The following ASIC2 variants were observed in gnomAD, a reference collection of about 807,000 sequenced individuals.
ASIC2 encodes acid sensing ion channel subunit 2.
A neutral mutation model predicts 57.3 loss-of-function variants in ASIC2; 25 were observed. The observed-to-expected ratio is 0.44, with a 90% CI of 0.32 to 0.61. The LOEUF (loss-of-function observed/expected upper bound fraction) is 0.61. Among genes scored for constraint, ASIC2 ranks in the 20% least tolerant of loss-of-function variants. The probability of loss-of-function intolerance (pLI) is 0.06; values close to 1 mark genes in which losing one functional copy is unlikely to be tolerated. For missense variants in ASIC2, 641 were observed against 738.1 expected (o/e 0.87, Z 1.52); for synonymous variants, 319 against 307.5 (o/e 1.04, Z -0.39).
At chr17:33,982,239 A>G (rs780882423) in intron 1 of ASIC2, among the ~76,000 whole-genome samples, 1 of 152,186 alleles carries the variant, frequency 6.6e-6, no homozygotes, top group Non-Finnish European at 1.5e-5. Flanking sequence ...CTCTGTATTT[A>G]TTTACCCTGC....
intron 1 of ASIC2, among the ~76,000 whole-genome samples, chr17:34,083,996 T>C (rs568980012): frequency 1.3e-5 from 2 of 152,322 alleles, no homozygotes; most frequent in African/African-American, 4.8e-5. Flanking sequence ...GATGGTAGTT[T>C]CTTTTGATGT....
chr17:33,674,612 A>G (rs1907752444), intron 1 of ASIC2, among the ~76,000 whole-genome samples: 1 of 152,194 alleles, frequency 6.6e-6, no homozygotes, highest in African/African-American at 2.4e-5. Flanking sequence ...CTTTATAGAT[A>G]TGGGAACTAA....
chr17:33,127,527 CAA>C (rs1356980279), intron 1 of ASIC2, among the ~76,000 whole-genome samples: 5 of 152,146 alleles, frequency 3.3e-5, no homozygotes, highest in Non-Finnish European at 7.3e-5. Flanking sequence ...GTGGTGCTGC[CAA>C]TTAATGATAT....
intron 3 of ASIC2, among the ~76,000 whole-genome samples, chr17:33,070,547 A>G (rs1265710978): frequency 6.6e-6 from 1 of 152,116 alleles, no homozygotes. Context: ...CATGTTGGCC[A>G]GTATGGTCTC....
At chr17:33,400,074 T>C (rs1910227985) in intron 1 of ASIC2, among the ~76,000 whole-genome samples, 1 of 152,204 alleles carries the variant, frequency 6.6e-6, no homozygotes, top group Admixed American at 6.5e-5. Context: ...ATTTCTTCCT[T>C]GCCAGTGAGG....
intron 1 of ASIC2, among the ~76,000 whole-genome samples, chr17:33,276,112 T>C (rs1904693569): frequency 6.6e-6 from 1 of 152,278 alleles, no homozygotes; most frequent in Middle Eastern, 3.4e-3. Context: ...ATTGACTTGA[T>C]GACTTGGAGT....
intron 1 of ASIC2, among the ~76,000 whole-genome samples, chr17:34,096,589 T>C (rs1228362693): frequency 2.0e-5 from 3 of 152,052 alleles, no homozygotes; most frequent in Non-Finnish European, 4.4e-5. Flanking sequence ...TGGCCGGGCA[T>C]GGTGGCTGTA....
chr17:34,048,014 G>T (rs1567800414), intron 1 of ASIC2, among the ~76,000 whole-genome samples: 1 of 152,170 alleles, frequency 6.6e-6, no homozygotes, highest in South Asian at 2.1e-4. Context: ...AAAACAGGGA[G>T]CTCATTATGA....
intron 1 of ASIC2, among the ~76,000 whole-genome samples, chr17:33,335,488 G>A (rs1307828231): frequency 1.3e-5 from 2 of 152,132 alleles, no homozygotes; most frequent in Non-Finnish European, 2.9e-5. Context: ...TGTAAGTGTG[G>A]GAGATGGGTT....
At chr17:33,605,092 T>A (rs1438073296) in intron 1 of ASIC2, among the ~76,000 whole-genome samples, 1 of 152,152 alleles carries the variant, frequency 6.6e-6, no homozygotes, top group Non-Finnish European at 1.5e-5. Context: ...ATCCTGACAC[T>A]CTGACAGTTG....
chr17:33,625,265 CTT>C (rs1304141500), intron 1 of ASIC2, among the ~76,000 whole-genome samples: 1 of 152,114 alleles, frequency 6.6e-6, no homozygotes, highest in Non-Finnish European at 1.5e-5. Flanking sequence ...TCTTTCATCT[CTT>C]GCAGTAGAGG....
chr17:33,859,049 G>A (rs1801800420), intron 1 of ASIC2, among the ~76,000 whole-genome samples: 1 of 152,230 alleles, frequency 6.6e-6, no homozygotes, highest in South Asian at 2.1e-4. Context: ...TGCTGAGTAT[G>A]TACTACATGC....
At chr17:33,444,988 A>G (rs945397256) in intron 1 of ASIC2, among the ~76,000 whole-genome samples, 4 of 152,224 alleles carry the variant, frequency 2.6e-5, no homozygotes, top group African/African-American at 9.6e-5. Context: ...GACAGCACTG[A>G]GGAGTTGTGA....
chr17:33,314,588 A>T (rs1014612898), intron 1 of ASIC2, among the ~76,000 whole-genome samples: 16 of 152,290 alleles, frequency 1.1e-4, no homozygotes, highest in African/African-American at 3.9e-4. Flanking sequence ...TTATTATATA[A>T]CATGGATTTG....
At chr17:33,866,930 A>G (rs1355996162) in intron 1 of ASIC2, among the ~76,000 whole-genome samples, 1 of 152,248 alleles carries the variant, frequency 6.6e-6, no homozygotes, top group Non-Finnish European at 1.5e-5. Flanking sequence ...TTGGATCCCA[A>G]TGATTTCTGA....
intron 1 of ASIC2, among the ~76,000 whole-genome samples, chr17:33,595,167 A>G (rs1037185059): frequency 3.3e-5 from 5 of 152,176 alleles, no homozygotes; most frequent in Admixed American, 2.6e-4. Flanking sequence ...TTGAAATTGC[A>G]GAGAGCCATG....
chr17:33,714,458 A>C (rs770039506), intron 1 of ASIC2, among the ~76,000 whole-genome samples: 3 of 152,250 alleles, frequency 2.0e-5, no homozygotes, highest in Non-Finnish European at 2.9e-5. Context: ...GCATAAAAAT[A>C]GATCTTGAAA....
At chr17:33,759,268 GGAA>G (rs1263019702) in intron 1 of ASIC2, among the ~76,000 whole-genome samples, 1 of 152,162 alleles carries the variant, frequency 6.6e-6, no homozygotes, top group Non-Finnish European at 1.5e-5. Context: ...AGGGTGCTGT[GGAA>G]GGTGGAATTT....
intron 1 of ASIC2, among the ~76,000 whole-genome samples, chr17:33,119,238 C>T (rs182911809): frequency 1.3e-4 from 20 of 152,256 alleles, no homozygotes; most frequent in South Asian, 6.2e-4. Flanking sequence ...GCTTATTACA[C>T]GTGAAGGAAA....
Sources: allele counts gnomAD v4.1 joint callset (sites outside exome capture counted in the v4.1 genomes callset), GRCh38; gene constraint gnomAD v4.1.1; transcripts MANE v1.5; gene names NCBI Gene and HGNC (gene_info 2026-07-23, HGNC 2026-07-21).